The following ADAMTS20 variants were observed in gnomAD, a reference collection of about 807,000 sequenced individuals.
The protein encoded by ADAMTS20 is ADAM metallopeptidase with thrombospondin type 1 motif 20, also known as A disintegrin and metalloproteinase with thrombospondin motifs 20.
A neutral mutation model predicts 260.1 loss-of-function variants in ADAMTS20; 225 were observed. That is an observed-to-expected ratio of 0.87 (90% CI 0.78 to 0.97). The LOEUF (loss-of-function observed/expected upper bound fraction) is 0.97. Ranked by LOEUF, ADAMTS20 falls within the 50% of genes least tolerant of loss-of-function variation. ADAMTS20 has a pLI of 0.00. For synonymous variants in ADAMTS20, 802 were observed against 769.5 expected (o/e 1.04, Z -0.70); for missense variants, 2,400 against 2,337.7 (o/e 1.03, Z -0.55).
chr12:43,443,192 C>T (rs368673493), intron 16 of ADAMTS20, among the ~76,000 whole-genome samples: 48 of 152,262 alleles, frequency 3.2e-4, no homozygotes, highest in African/African-American at 9.9e-4. Context: ...GTTTTTAAAG[C>T]ATCATTTTCA....
Position 43,493,211 on chromosome 12 carries a change from G to T in ADAMTS20, c.910C>A (p.His304Asn), listed in dbSNP as rs1335475568. Residue 304 changes from histidine (H) to asparagine (N), a missense_variant, in exon 5 of 39, where the codon CAC (histidine) becomes AAC (asparagine). His to Asn is a moderately conservative substitution (Grantham distance 68). Coordinates refer to ENST00000389420, the MANE Select transcript of ADAMTS20 (RefSeq NM_025003.5). ...ATAACTAATTTTACCACTACTATGT[G>T]TATCAAATTTCCAATACTTGGATCT... ...YKDPSIGNLI[H>N]IVVVKLVMIH... is the part of the protein sequence containing the mutation. 1.3e-6 allele frequency: 2 copies of T among 1,562,146 alleles called. No homozygotes were observed. Among genetic ancestry groups the T allele is most frequent in the Admixed American group, 1.9e-5 (1 of 52,036 alleles).
Position 43,434,363 on chromosome 12 carries a change from G to A in ADAMTS20, c.2602C>T (p.Arg868Ter), listed in dbSNP as rs779517298. ...TTATGTATGCAAGTTATGTTTCTTCGCTGAAGACCTTGGCCAAAGTCAAAT... is the reference window on the plus strand; with the variant it reads ...TTATGTATGCAAGTTATGTTTCTTCACTGAAGACCTTGGCCAAAGTCAAAT... ...GCTKMCQGLQ[R>*]RNITCIHKSD... is the part of the protein sequence containing the mutation. Residue 868 changes from arginine (R) to a stop codon, truncating the protein, a stop_gained, in exon 19 of 39, where the codon CGA becomes TGA. Coordinates refer to ENST00000389420, the MANE Select transcript of ADAMTS20 (RefSeq NM_025003.5). LOFTEE classifies it high-confidence loss of function. 4.3e-5 allele frequency: 68 copies of A among 1,580,170 alleles called. No homozygotes were observed. Among genetic ancestry groups the A allele is most frequent in the Admixed American group, 2.4e-4 (13 of 54,382 alleles).
At chr12:43,422,521 A>AAATATGCT (rs1941255511) in intron 28 of ADAMTS20, among the ~76,000 whole-genome samples, 1 of 152,102 alleles carries the variant, frequency 6.6e-6, no homozygotes, top group African/African-American at 2.4e-5. Context: ...TTTAACAAAT[A>AAATATGCT]AATATGCTTC....
intron 3 of ADAMTS20, among the ~76,000 whole-genome samples, chr12:43,531,779 C>T (rs1422229802): frequency 3.3e-5 from 5 of 151,862 alleles, no homozygotes; most frequent in South Asian, 2.1e-4. Context: ...TTTAAGTGTT[C>T]TCACCACAAA....
rs747342811 is a variant in ADAMTS20, at chr12:43,551,132, C to T, written c.230G>A (p.Arg77Gln). Reference protein sequence around the residue: ...SSEALEPMPFRTHYRFTAYGQ... With the variant: ...SSEALEPMPFQTHYRFTAYGQ... ...GTAGGCAGTGAAGCGATAGTGGGTT[C>T]GGAACGGCATGGGTTCCAGCGCCTC... Residue 77 changes from arginine (R) to glutamine (Q), a missense_variant, in exon 2 of 39, where the codon CGA (arginine) becomes CAA (glutamine). Physicochemically the swap from Arg to Gln is conservative, Grantham distance 43. Coordinates refer to ENST00000389420, the MANE Select transcript of ADAMTS20 (RefSeq NM_025003.5). This position sits in a 1 kb window ranked among gnomAD's most constrained non-coding sequence, Gnocchi z 4.6. 1 of 1,613,760 alleles carries T rather than the reference C, an allele frequency of 6.2e-7. No homozygotes were observed. The highest frequency in any genetic ancestry group is 1.7e-5 in the Admixed American group (1 of 60,004).
chr12:43,397,924 T>C (rs1170912354), intron 29 of ADAMTS20, among the ~76,000 whole-genome samples: 1 of 152,180 alleles, frequency 6.6e-6, no homozygotes, highest in African/African-American at 2.4e-5. Context: ...GGCACTGACA[T>C]AATTCCACTC....
intron 14 of ADAMTS20, among the ~76,000 whole-genome samples, chr12:43,450,947 G>A (rs1210016013): frequency 1.3e-5 from 2 of 150,250 alleles, no homozygotes; most frequent in Non-Finnish European, 3.0e-5. Context: ...CAAAGGAAAT[G>A]AATTTAGTAT....
chr12:43,543,176 G>T (rs1268264766), intron 2 of ADAMTS20, among the ~76,000 whole-genome samples: 6 of 152,082 alleles, frequency 3.9e-5, no homozygotes, highest in Admixed American at 2.0e-4. Flanking sequence ...GTCAGGTGTG[G>T]GGGGGTGTGC....
rs1243684229 is a variant in ADAMTS20, at chr12:43,453,965, A to C, written c.1702T>G (p.Cys568Gly). Reference protein sequence around the residue: ...EWGPWEPYSSCSRTCGGGIES... With the variant: ...EWGPWEPYSSGSRTCGGGIES... ...ATTCCGCCTCCACATGTTCTTGAAC[A>C]AGAACTGTAAGGTTCCCATGGTCCC... The change falls in exon 12 of 39, where the codon TGT becomes GGT. Residue 568 changes from cysteine to glycine, a missense_variant. Physicochemically the swap from Cys to Gly is radical, Grantham distance 159. Coordinates refer to ENST00000389420, the MANE Select transcript of ADAMTS20 (RefSeq NM_025003.5). 1 of 1,613,194 alleles carries C rather than the reference A, an allele frequency of 6.2e-7. No homozygotes were observed. The highest frequency in any genetic ancestry group is 1.3e-5 in the African/African-American group (1 of 74,934).
chr12:43,539,963 A>T (rs1943354074), intron 2 of ADAMTS20, among the ~76,000 whole-genome samples: 1 of 151,810 alleles, frequency 6.6e-6, no homozygotes, highest in Non-Finnish European at 1.5e-5. Flanking sequence ...GCTCACTGCA[A>T]CCTCCACCTC....
intron 7 of ADAMTS20, 128 bp from the exon 8 acceptor site, chr12:43,468,833 T>C: frequency 1.8e-6 from 1 of 555,374 alleles, no homozygotes; most frequent in Non-Finnish European, 3.1e-6. Flanking sequence ...GCTGTTAATA[T>C]TGAATAAACG....
In ADAMTS20 at chr12:43,432,474, T is replaced by TTA; in HGVS notation, c.2932-7_2932-6insTA. 7.7e-7 allele frequency: 1 copy of TTA among 1,299,894 alleles called. No homozygotes were observed. Among genetic ancestry groups the TTA allele is most frequent in the Non-Finnish European group, 1.1e-6 (1 of 941,706 alleles). The allele number at this position is 1,299,894 out of a possible 1,614,324, so 80.5% of individuals were successfully genotyped here. ...CCTCCACAACTCCTGGAACACTGATTAAAAAAAAAAAAGTGGTAACTAATG... is the reference window on the plus strand; with the variant it reads ...CCTCCACAACTCCTGGAACACTGATTTAAAAAAAAAAAAAGTGGTAACTAATG... On this transcript the variant is annotated splice_region_variant and splice_polypyrimidine_tract_variant and intron_variant, in intron 20 of 38. Transcript: ENST00000389420.
intron 29 of ADAMTS20, among the ~76,000 whole-genome samples, chr12:43,393,319 G>A (rs1210898174): frequency 6.6e-6 from 1 of 151,888 alleles, no homozygotes; most frequent in Non-Finnish European, 1.5e-5. Context: ...AGCTGTAAGT[G>A]CAATTATAAC....
In ADAMTS20 at chr12:43,550,920, A is replaced by C. The variant is rs1943502760; in HGVS notation, c.442T>G (p.Cys148Gly). 1 of 1,566,362 alleles carries C rather than the reference A, an allele frequency of 6.4e-7. No individual in the cohort carries two copies. The highest frequency in any genetic ancestry group is 1.4e-5 in the African/African-American group (1 of 73,562). Residue 148 changes from cysteine (C) to glycine (G), a missense_variant, in exon 2 of 39, where the codon TGC (cysteine) becomes GGC (glycine). Cys to Gly is a radical substitution (Grantham distance 159, BLOSUM62 -3). Transcript: ENST00000389420. ...QEDYKAVVSL[C>G]GGLTGTFKGQ... The stretch of plus-strand genomic sequence containing the variant: ...CCGAGGACACTCACCAGGCCTCCGC[A>C]TAAGCTGACGACGGCCTTGTAATCC...
At chr12:43,542,389 A>T (rs994980854) in intron 2 of ADAMTS20, among the ~76,000 whole-genome samples, 2 of 152,226 alleles carry the variant, frequency 1.3e-5, no homozygotes, top group African/African-American at 4.8e-5. Context: ...ATCTAGAGGG[A>T]CATATGCCAT....
intron 18 of ADAMTS20, among the ~76,000 whole-genome samples, chr12:43,435,653 A>G (rs11182072): frequency 7.0e-6 from 1 of 143,160 alleles, no homozygotes; most frequent in Non-Finnish European, 1.5e-5. Flanking sequence ...AAAAAAAAAA[A>G]AAAACAAAAA....
intron 28 of ADAMTS20, among the ~76,000 whole-genome samples, chr12:43,407,557 T>A (rs576066163): frequency 1.3e-5 from 2 of 152,024 alleles, no homozygotes; most frequent in South Asian, 4.1e-4. Context: ...ATATAAAACC[T>A]GAGGGAAAGC....
intron 7 of ADAMTS20, among the ~76,000 whole-genome samples, chr12:43,470,885 T>A (rs950122162): frequency 1.3e-5 from 2 of 152,250 alleles, no homozygotes; most frequent in Non-Finnish European, 1.5e-5. Flanking sequence ...TGTGGTCTTC[T>A]GCAAATTATT....
chr12:43,488,880 C>A (rs915608432), intron 7 of ADAMTS20, among the ~76,000 whole-genome samples: 2 of 152,068 alleles, frequency 1.3e-5, no homozygotes, highest in African/African-American at 4.8e-5. Flanking sequence ...TTTAGTGCAA[C>A]TTTTCTACAT....
Sources: allele counts gnomAD v4.1 joint callset (sites outside exome capture counted in the v4.1 genomes callset), GRCh38; gene constraint gnomAD v4.1.1; non-coding constraint Gnocchi (gnomAD v3.1); transcripts MANE v1.5; gene names NCBI Gene and HGNC (gene_info 2026-07-23, HGNC 2026-07-21).